Variants in RDH13 observed in about 807,000 individuals in gnomAD.
RDH13 encodes the protein retinol dehydrogenase 13 (all-trans and 9-cis).
In RDH13, 35 loss-of-function variants were observed where a neutral mutation model predicts 28.3. The ratio of observed to expected loss-of-function variants is 1.24; its 90% CI spans 0.95 to 1.64. RDH13 has a LOEUF of 1.64. Ranked by LOEUF, RDH13 falls within the 40% of genes most tolerant of loss-of-function variation. The pLI is 0.00. For synonymous variants in RDH13, 229 were observed against 198.5 expected, an observed-to-expected ratio of 1.15 and a Z score of -1.29; for missense variants, 514 against 446.3, an observed-to-expected ratio of 1.15 and a Z score of -1.37.
In RDH13 at chr19:55,059,149, G is replaced by GA. The variant is rs1358732508; in HGVS notation, c.184+7dup. The GA allele has an allele frequency of 6.4e-7, 1 of 1,550,464 alleles. No homozygotes were observed. The highest frequency in any genetic ancestry group is 1.4e-5 in the African/African-American group (1 of 73,604). Reference sequence around the variant, plus strand: ...TCTCTCTGAGAGCCAAAGCAGGGGAGATTTTACCTCTCCTGGCCAGTTCCA... The same window carrying GA: ...TCTCTCTGAGAGCCAAAGCAGGGGAGAATTTTACCTCTCCTGGCCAGTTCCA... On this transcript the variant is annotated splice_region_variant and intron_variant, in intron 2 of 6. Transcript: ENST00000415061.
Position 55,044,343 on chromosome 19 carries a change from A to C in RDH13, c.*731T>G, listed in dbSNP as rs541532136. ...CATTTTCTTCTTTTTTTTTTCTTTT[A>C]AATGAGCAAGTTTGAGAGTCTGCAG... On this transcript the variant is annotated 3_prime_UTR_variant, in exon 7 of 7. Transcript: ENST00000415061. 1 of 151,976 alleles carries C rather than the reference A, an allele frequency of 6.6e-6. No homozygotes were observed. Among genetic ancestry groups the C allele is most frequent in the Non-Finnish European group, 1.5e-5 (1 of 67,956 alleles). The allele number at this position is 151,976 out of a possible 1,614,324, so 9.4% of individuals were successfully genotyped here.
chr19:55,055,441 A>G (rs2075599794), intron 3 of RDH13, among the ~76,000 whole-genome samples: 1 of 151,854 alleles, frequency 6.6e-6, no homozygotes, highest in Admixed American at 6.6e-5. Flanking sequence ...GGCGTGAGCC[A>G]CTGTGCCCAG....
At chr19:55,058,709 C>G (rs1602785133) in intron 2 of RDH13, among the ~76,000 whole-genome samples, 1 of 152,012 alleles carries the variant, frequency 6.6e-6, no homozygotes, top group Admixed American at 6.6e-5. Flanking sequence ...GTTTTTGAGT[C>G]TCACTCTGTC....
chr19:55,058,323 G>A (rs1767676690), intron 2 of RDH13, among the ~76,000 whole-genome samples: 1 of 151,630 alleles, frequency 6.6e-6, no homozygotes. Context: ...GGGAGGCGAA[G>A]GTTGCAGTGA....
chr19:55,058,470 CAAACT>C (rs920050990), intron 2 of RDH13, among the ~76,000 whole-genome samples: 4 of 152,028 alleles, frequency 2.6e-5, no homozygotes, highest in African/African-American at 9.7e-5. Context: ...TTCATCTTGC[CAAACT>C]AAACTTCCGT....
rs113691910 is a variant in RDH13 at position 55,057,425 on chromosome 19, C to A, written c.185-617G>T. ...TGGGAGGCCAAGGCAAGAGGATTCCCCATCCTCTCCTTTTTTTTTTTTTTT... is the reference window on the plus strand; with the variant it reads ...TGGGAGGCCAAGGCAAGAGGATTCCACATCCTCTCCTTTTTTTTTTTTTTT... On this transcript the variant is annotated intron_variant, in intron 2 of 6. Transcript: ENST00000415061. Among the ~76,000 whole-genome samples, 447 of 138,852 alleles carry A rather than the reference C, an allele frequency of 3.2e-3. 3 individuals carry two copies. Among genetic ancestry groups the A allele is most frequent in the African/African-American group, 0.011 (430 of 37,648 alleles). The allele number at this position is 138,852 out of a possible 152,430, so 91.1% of individuals were successfully genotyped here. A position where few individuals can be genotyped will look rare whatever the true frequency, so the allele number is the denominator to read the frequency against.
intron 1 of RDH13, 26 bp downstream of exon 1, chr19:55,062,942 C>T: frequency 1.4e-6 from 2 of 1,439,450 alleles, no homozygotes; most frequent in South Asian, 1.4e-5. Flanking sequence ...GCCTTGACCG[C>T]GCACGCGGGG....
rs754825460 is a variant in RDH13, at chr19:55,046,539, AG to A, written c.760+847del. On this transcript the variant is annotated intron_variant, in intron 6 of 6. Transcript: ENST00000415061. The stretch of plus-strand genomic sequence containing the variant: ...CAGCCTCCCAAAGTGCTGGGATTAC[AG>A]GCGTGGCTATTAGCCTCGCCAAGTT... 4 of 152,164 alleles carry A rather than the reference AG, an allele frequency of 2.6e-5. 1 individual carries two copies. Among genetic ancestry groups the A allele is most frequent in the Admixed American group, 2.0e-4 (3 of 15,288 alleles). The allele number at this position is 152,164 out of a possible 1,614,324, so 9.4% of individuals were successfully genotyped here. A position where few individuals can be genotyped will look rare whatever the true frequency, so the allele number is the denominator to read the frequency against.
chr19:55,062,899 C>T, intron 1 of RDH13, 69 bp downstream of exon 1: 1 of 1,298,116 alleles, frequency 7.7e-7, no homozygotes. Context: ...GCGGGGGTCT[C>T]CGCCGCCTTC....
At chr19:55,041,332 A>G (rs559614457), downstream of RDH13, 1 of 152,384 alleles carries the variant, frequency 6.6e-6, no homozygotes, top group Non-Finnish European at 1.5e-5. Flanking sequence ...AGTGAAGTCA[A>G]TCACCCGATG....
intron 3 of RDH13, chr19:55,053,684 T>TC (rs1435254780): frequency 2.7e-5 from 4 of 148,036 alleles, no homozygotes; most frequent in African/African-American, 1.0e-4. Context: ...CTCTAGAGAA[T>TC]CCCAGAAAAT....
At chr19:55,066,669 C>T (rs892430282), upstream of RDH13, among the ~76,000 whole-genome samples, 1 of 150,066 alleles carries the variant, frequency 6.7e-6, no homozygotes, top group Non-Finnish European at 1.5e-5. Flanking sequence ...CTCTCTCTTC[C>T]TCTCCCTTCC....
rs767005997 is a variant in RDH13, at chr19:55,056,785, G to C, written c.208C>G (p.Arg70Gly). 1 of 1,613,994 alleles carries C rather than the reference G, an allele frequency of 6.2e-7. No homozygotes were observed. The highest frequency in any genetic ancestry group is 1.1e-5 in the South Asian group (1 of 91,044). The change falls in exon 3 of 7, where the codon CGA becomes GGA. Residue 70 changes from arginine (R) to glycine (G), a missense_variant. Physicochemically the swap from Arg to Gly is moderately radical, Grantham distance 125. Coordinates refer to ENST00000415061, the MANE Select transcript of RDH13 (RefSeq NM_001145971.2). Reference protein sequence around the residue: ...RRGGNIILACRDMEKCEAAAK... With the variant: ...RRGGNIILACGDMEKCEAAAK... ...GCCGCCTCACACTTCTCCATGTCTC[G>C]GCAGGCCAGGATGATGTTGCCTCCT...
intron 3 of RDH13, 27 bp downstream of exon 3, chr19:55,056,626 C>T: frequency 6.2e-7 from 1 of 1,612,742 alleles, no homozygotes; most frequent in Non-Finnish European, 8.5e-7. Context: ...TCCCAGTCCT[C>T]ATCCCACATG....
intron 1 of RDH13, among the ~76,000 whole-genome samples, chr19:55,059,701 GAGAGATT>G (rs2075753060): frequency 6.6e-6 from 1 of 152,146 alleles, no homozygotes; most frequent in African/African-American, 2.4e-5. Context: ...GTAGGGAAAA[GAGAGATT>G]AGACTGTTAC....
At chr19:55,042,492 AG>A (rs2075063609), downstream of RDH13, 1 of 152,230 alleles carries the variant, frequency 6.6e-6, no homozygotes, top group African/African-American at 2.4e-5. Flanking sequence ...AATTTAAAAA[AG>A]GAAAGAGTGC....
chr19:55,066,726 TC>T (rs1255361666), upstream of RDH13, among the ~76,000 whole-genome samples: 9 of 150,366 alleles, frequency 6.0e-5, no homozygotes, highest in Non-Finnish European at 1.5e-5. Flanking sequence ...CTTGTGTGTG[TC>T]TCTCTCTCTC....
At chr19:55,059,335 G>T in intron 1 of RDH13, 60 bp from the exon 2 acceptor site, 1 of 1,137,744 alleles carries the variant, frequency 8.8e-7, no homozygotes, top group Non-Finnish European at 1.3e-6. Flanking sequence ...ACGTGCCCCT[G>T]ACTGAATGAT....
chr19:55,049,446 C>T (rs1337147229), intron 3 of RDH13, among the ~76,000 whole-genome samples: 1 of 152,154 alleles, frequency 6.6e-6, no homozygotes, highest in Admixed American at 6.5e-5. Flanking sequence ...CCTCCCTGTA[C>T]CACTCAGCTC....
Sources: gnomAD v4.1 joint callset for allele counts (sites outside exome capture counted in the v4.1 genomes callset) on GRCh38, gnomAD v4.1.1 for gene constraint, MANE v1.5 for transcripts, NCBI Gene and HGNC (gene_info 2026-07-23, HGNC 2026-07-21) for gene names.